Variants in SOBP observed in about 807,000 individuals in gnomAD.
SOBP encodes sine oculis-binding protein homolog.
SOBP carries 4 observed loss-of-function variants against 53.6 expected under a neutral mutation model. That is an observed-to-expected ratio of 0.07 (90% CI 0.04 to 0.17). SOBP has a LOEUF of 0.17. Among genes scored for constraint, SOBP ranks in the 10% least tolerant of loss-of-function variants. The pLI, the probability that SOBP is intolerant of heterozygous loss-of-function variation, is 1.00. For missense variants in SOBP, 1,088 were observed against 1,204.7 expected (o/e 0.90, Z 1.43); for synonymous variants, 584 against 522.6 (o/e 1.12, Z -1.60).
chr6:107,596,074 A>G (rs546910334), intron 5 of SOBP, among the ~76,000 whole-genome samples: 19 of 152,254 alleles, frequency 1.2e-4, no homozygotes, highest in African/African-American at 3.9e-4. Flanking sequence ...TTAATTCCAG[A>G]TGAGTCTGCC....
At chr6:107,607,538 C>T (rs907130050) in intron 5 of SOBP, among the ~76,000 whole-genome samples, 1 of 152,150 alleles carries the variant, frequency 6.6e-6, no homozygotes, top group Admixed American at 6.5e-5. Flanking sequence ...TTTTCTTACG[C>T]ATTTGGCACC....
At chr6:107,656,345 G>A (rs374692333) in intron 6 of SOBP, among the ~76,000 whole-genome samples, 9 of 34,408 alleles carry the variant, frequency 2.6e-4, no homozygotes, top group Non-Finnish European at 1.0e-3. Flanking sequence ...GAAAGAAAGA[G>A]AAAGAAAGAA....
At chr6:107,497,159 G>A (rs1175517317) in intron 1 of SOBP, among the ~76,000 whole-genome samples, 1 of 152,248 alleles carries the variant, frequency 6.6e-6, no homozygotes, top group African/African-American at 2.4e-5. Flanking sequence ...TGGAAAGGGA[G>A]ATAAAATATT....
At chr6:107,570,527 T>C (rs1352743365) in intron 4 of SOBP, among the ~76,000 whole-genome samples, 1 of 152,260 alleles carries the variant, frequency 6.6e-6, no homozygotes, top group Non-Finnish European at 1.5e-5. Context: ...CAGAATCTTT[T>C]GTTGAGTTTT....
intron 3 of SOBP, among the ~76,000 whole-genome samples, chr6:107,510,397 A>G (rs1783135340): frequency 6.6e-6 from 1 of 152,234 alleles, no homozygotes; most frequent in African/African-American, 2.4e-5. Context: ...AAGAACAGCA[A>G]GGGCAGGAAA....
chr6:107,579,342 CCAAA>C (rs1785332168), intron 4 of SOBP, among the ~76,000 whole-genome samples: 6 of 152,080 alleles, frequency 3.9e-5, no homozygotes, highest in Admixed American at 3.9e-4. Context: ...ACAATTCTTA[CCAAA>C]CAAAGACACT....
At chr6:107,546,198 C>G (rs1173200825) in intron 4 of SOBP, among the ~76,000 whole-genome samples, 2 of 152,118 alleles carry the variant, frequency 1.3e-5, no homozygotes, top group Admixed American at 1.3e-4. Context: ...AAGCTGTGCT[C>G]CAAGGACCTT....
intron 2 of SOBP, among the ~76,000 whole-genome samples, chr6:107,505,750 A>G (rs553713555): frequency 1.6e-3 from 238 of 152,274 alleles, no homozygotes; most frequent in African/African-American, 5.2e-3. Flanking sequence ...TCGCAGATTC[A>G]AGTGATTCTC....
intron 4 of SOBP, among the ~76,000 whole-genome samples, chr6:107,580,703 G>A (rs973628641): frequency 3.3e-4 from 51 of 152,332 alleles, no homozygotes; most frequent in African/African-American, 9.4e-4. Flanking sequence ...CAACAGGGAC[G>A]TGGAGGAGAG....
intron 4 of SOBP, among the ~76,000 whole-genome samples, chr6:107,560,202 C>T (rs1341089922): frequency 6.6e-6 from 1 of 152,170 alleles, no homozygotes; most frequent in Non-Finnish European, 1.5e-5. Context: ...TTTCAGGAGC[C>T]TTACTTATCC....
chr6:107,637,057 CCTCAGTGGGTAAAACA>C (rs1029747732), intron 6 of SOBP, among the ~76,000 whole-genome samples: 3 of 152,114 alleles, frequency 2.0e-5, no homozygotes, highest in Non-Finnish European at 4.4e-5. Context: ...GTTTTACCCA[CCTCAGTGGGTAAAACA>C]ACCCTCAGTT....
At chr6:107,611,174 G>A (rs958051627) in intron 5 of SOBP, among the ~76,000 whole-genome samples, 11 of 152,252 alleles carry the variant, frequency 7.2e-5, no homozygotes, top group African/African-American at 7.2e-5. Flanking sequence ...CTTCAGAGGC[G>A]GAGGCCTGTG....
chr6:107,490,610 C>G lies in SOBP; in HGVS notation c.-7C>G. On this transcript the variant is annotated 5_prime_UTR_variant, in exon 1 of 7. Transcript: ENST00000317357. ...ATTTCATCTCCACAGAAACCAGACA[C>G]AAAAACATGGCAGAAATGGAGAAAG... is the stretch of plus-strand genomic sequence containing the variant. 3.1e-6 allele frequency: 5 copies of G among 1,598,812 alleles called. No homozygotes were observed. The South Asian group carries it at 3.4e-5, about 11-fold the overall frequency.
intron 4 of SOBP, among the ~76,000 whole-genome samples, chr6:107,540,719 G>A (rs1182664598): frequency 1.3e-5 from 2 of 152,188 alleles, no homozygotes; most frequent in Non-Finnish European, 2.9e-5. Flanking sequence ...CAAAGATAGT[G>A]ATAATCGATG....
chr6:107,616,367 T>C (rs1248594118), intron 5 of SOBP, among the ~76,000 whole-genome samples: 1 of 152,130 alleles, frequency 6.6e-6, no homozygotes, highest in African/African-American at 2.4e-5. Flanking sequence ...GAACAGACAT[T>C]TGCATTCAGG....
Position 107,635,612 on chromosome 6 carries a change from C to A in SOBP, c.*3+143C>A. 8.5e-7 allele frequency: 1 copy of A among 1,177,928 alleles called. No homozygotes were observed. The highest frequency in any genetic ancestry group is 1.2e-6 in the Non-Finnish European group (1 of 821,960). 73.0% of individuals were successfully genotyped at this position (1,177,928 alleles called of 1,614,324 possible). A position where few individuals can be genotyped will look rare whatever the true frequency, so the allele number is the denominator to read the frequency against. Reference sequence around the variant, plus strand: ...GCACACGGTGTGGTCACGCTATCAACATTCTGAGCCAGCAGCTCTGATGCT... The same window carrying A: ...GCACACGGTGTGGTCACGCTATCAAAATTCTGAGCCAGCAGCTCTGATGCT... On this transcript the variant is annotated intron_variant, in intron 6 of 6. Coordinates refer to ENST00000317357, the MANE Select transcript of SOBP (RefSeq NM_018013.4). This position sits in a 1 kb window ranked among gnomAD's most constrained non-coding sequence, Gnocchi z 4.5.
intron 3 of SOBP, among the ~76,000 whole-genome samples, chr6:107,523,268 A>G (rs915394597): frequency 1.3e-5 from 2 of 152,206 alleles, no homozygotes; most frequent in African/African-American, 4.8e-5. Flanking sequence ...GTGTCTCATT[A>G]CATTCCAGAG....
At chr6:107,503,019 C>G (rs1225272767) in intron 1 of SOBP, among the ~76,000 whole-genome samples, 1 of 152,176 alleles carries the variant, frequency 6.6e-6, no homozygotes. Context: ...CCTCAGCCTT[C>G]CAAAGTGCGG....
intron 1 of SOBP, among the ~76,000 whole-genome samples, chr6:107,503,379 C>T (rs1339740975): frequency 6.6e-6 from 1 of 152,156 alleles, no homozygotes; most frequent in Non-Finnish European, 1.5e-5. Context: ...TAAAATATGA[C>T]TTCCTGTTCA....
Sources: gnomAD v4.1 joint callset for allele counts (sites outside exome capture counted in the v4.1 genomes callset) on GRCh38, gnomAD v4.1.1 for gene constraint, Gnocchi (gnomAD v3.1) non-coding constraint, MANE v1.5 for transcripts, NCBI Gene and HGNC (gene_info 2026-07-23, HGNC 2026-07-21) for gene names.